The following LRMDA variants were observed in gnomAD, a reference collection of about 807,000 sequenced individuals.
LRMDA encodes leucine-rich melanocyte differentiation-associated protein.
A neutral mutation model predicts 29.8 loss-of-function variants in LRMDA; 18 were observed. The ratio of observed to expected loss-of-function variants is 0.60; its 90% CI spans 0.42 to 0.90. The LOEUF (loss-of-function observed/expected upper bound fraction) is 0.90, where lower values mean the gene tolerates loss of function less well. Ranked by LOEUF, LRMDA falls within the 40% of genes least tolerant of loss-of-function variation. The probability of loss-of-function intolerance (pLI) is 0.00; values close to 1 mark genes in which losing one functional copy is unlikely to be tolerated. For missense variants in LRMDA, 273 were observed against 273.9 expected, an observed-to-expected ratio of 1.00 and a Z score of 0.02; for synonymous variants, 125 against 109.4, an observed-to-expected ratio of 1.14 and a Z score of -0.89.
At chr10:76,425,458 G>A (rs1220269273) in intron 6 of LRMDA, among the ~76,000 whole-genome samples, 1 of 151,554 alleles carries the variant, frequency 6.6e-6, no homozygotes, top group African/African-American at 2.4e-5. Flanking sequence ...TAACCTCTGC[G>A]TCTCAATTTC....
At chr10:75,661,318 G>C (rs924974942) in intron 2 of LRMDA, among the ~76,000 whole-genome samples, 9 of 152,222 alleles carry the variant, frequency 5.9e-5, no homozygotes, top group Non-Finnish European at 1.3e-4. Flanking sequence ...TCTCAGAGAA[G>C]ATACTATTTC....
At chr10:76,059,836 T>C (rs1848676552) in intron 5 of LRMDA, among the ~76,000 whole-genome samples, 1 of 152,232 alleles carries the variant, frequency 6.6e-6, no homozygotes, top group Non-Finnish European at 1.5e-5. Context: ...TTATTTTCCA[T>C]TATGCTGAAT....
intron 6 of LRMDA, among the ~76,000 whole-genome samples, chr10:76,451,134 C>T (rs1842401679): frequency 6.6e-6 from 1 of 152,014 alleles, no homozygotes; most frequent in African/African-American, 2.4e-5. Flanking sequence ...TAGGATTCTA[C>T]TCTTGAAGTT....
At chr10:75,521,897 A>G (rs1459219049) in intron 2 of LRMDA, among the ~76,000 whole-genome samples, 1 of 152,258 alleles carries the variant, frequency 6.6e-6, no homozygotes, top group Non-Finnish European at 1.5e-5. Context: ...GAAAGCTAGA[A>G]GGATCACTCA....
At chr10:76,285,061 CT>C (rs1840254879) in intron 5 of LRMDA, among the ~76,000 whole-genome samples, 1 of 152,154 alleles carries the variant, frequency 6.6e-6, no homozygotes, top group African/African-American at 2.4e-5. Flanking sequence ...ATTCTCCCCT[CT>C]TTTGTAGCCA....
chr10:76,078,248 A>T (rs2132076545), intron 5 of LRMDA, among the ~76,000 whole-genome samples: 1 of 151,550 alleles, frequency 6.6e-6, no homozygotes. Flanking sequence ...TGACCTCGTG[A>T]TCTGCCCGTC....
chr10:76,224,369 C>T (rs373445041), intron 5 of LRMDA, among the ~76,000 whole-genome samples: 35 of 151,536 alleles, frequency 2.3e-4, no homozygotes, highest in East Asian at 1.2e-3. Flanking sequence ...CCCAGGAGTT[C>T]GAGACCAGCC....
At chr10:76,068,045 C>A (rs1446287674) in intron 5 of LRMDA, among the ~76,000 whole-genome samples, 1 of 152,360 alleles carries the variant, frequency 6.6e-6, no homozygotes, top group Admixed American at 6.5e-5. Flanking sequence ...AGAGAAACAT[C>A]ATGAACATTG....
intron 2 of LRMDA, among the ~76,000 whole-genome samples, chr10:75,643,778 T>C (rs1841481894): frequency 6.6e-6 from 1 of 152,204 alleles, no homozygotes; most frequent in Admixed American, 6.5e-5. Flanking sequence ...AATGATGATA[T>C]GCTTTTTTAG....
chr10:75,834,930 A>G (rs1391163547), intron 2 of LRMDA, among the ~76,000 whole-genome samples: 1 of 152,230 alleles, frequency 6.6e-6, no homozygotes. Flanking sequence ...GTTCAAGCCC[A>G]TGTAAGCTTC....
Position 75,431,661 on chromosome 10 carries a change from G to C in LRMDA, c.-64G>C. 8.1e-7 allele frequency: 1 copy of C among 1,232,404 alleles called. No homozygotes were observed. The allele number at this position is 1,232,404 out of a possible 1,614,324, so 76.3% of individuals were successfully genotyped here. A position where few individuals can be genotyped will look rare whatever the true frequency, so the allele number is the denominator to read the frequency against. ...TGCGCCCGCCGCGCTCCCCTGCCGC[G>C]CTCCCCGCTGCTGCCGCCGCGCCCC... On this transcript the variant is annotated 5_prime_UTR_variant, in exon 1 of 7. Coordinates refer to ENST00000611255, the MANE Select transcript of LRMDA (RefSeq NM_001305581.2).
intron 2 of LRMDA, among the ~76,000 whole-genome samples, chr10:75,884,756 T>G (rs528576314): frequency 1.3e-5 from 2 of 152,300 alleles, no homozygotes; most frequent in East Asian, 3.9e-4. Flanking sequence ...ATTTCCAAAG[T>G]GGTGGAGTCA....
intron 1 of LRMDA, among the ~76,000 whole-genome samples, chr10:75,432,615 A>G (rs753504328): frequency 9.2e-5 from 14 of 152,292 alleles, no homozygotes; most frequent in African/African-American, 3.1e-4. Flanking sequence ...CACACCCTGG[A>G]GAAATAGTTC....
At chr10:75,954,901 G>T (rs1246380525) in intron 2 of LRMDA, among the ~76,000 whole-genome samples, 1 of 152,174 alleles carries the variant, frequency 6.6e-6, no homozygotes, top group Non-Finnish European at 1.5e-5. Flanking sequence ...TTTATTCCAT[G>T]TATTTCACCT....
chr10:76,354,061 C>T (rs575223291), intron 6 of LRMDA, among the ~76,000 whole-genome samples: 4 of 152,138 alleles, frequency 2.6e-5, no homozygotes, highest in Non-Finnish European at 5.9e-5. Context: ...AACTGTGTTC[C>T]TGCCTTCAAC....
intron 5 of LRMDA, 66 bp downstream of exon 5, chr10:76,058,849 G>A (rs779407345): frequency 4.9e-6 from 6 of 1,225,000 alleles, no homozygotes; most frequent in African/African-American, 3.0e-5. Context: ...ACACCCCAGG[G>A]CATGCAGAAT....
chr10:75,796,517 G>A (rs780566972), intron 2 of LRMDA, among the ~76,000 whole-genome samples: 1 of 152,124 alleles, frequency 6.6e-6, no homozygotes, highest in African/African-American at 2.4e-5. Flanking sequence ...ACTCAGATGA[G>A]CATCACTTGG....
intron 2 of LRMDA, among the ~76,000 whole-genome samples, chr10:75,762,279 T>C (rs1301651889): frequency 6.6e-6 from 1 of 152,246 alleles, no homozygotes; most frequent in Non-Finnish European, 1.5e-5. Flanking sequence ...TCACAGCCCA[T>C]GGGTCACATG....
intron 2 of LRMDA, among the ~76,000 whole-genome samples, chr10:75,584,915 A>G (rs1225918490): frequency 6.6e-6 from 1 of 152,226 alleles, no homozygotes; most frequent in African/African-American, 2.4e-5. Flanking sequence ...GCAGCAGTTC[A>G]GGTACCTGAT....
Sources: allele counts gnomAD v4.1 joint callset (sites outside exome capture counted in the v4.1 genomes callset), GRCh38; gene constraint gnomAD v4.1.1; transcripts MANE v1.5; gene names NCBI Gene and HGNC (gene_info 2026-07-23, HGNC 2026-07-21).